Variants in AGBL1 observed in about 807,000 individuals in gnomAD.
AGBL1 encodes the protein AGBL carboxypeptidase 1.
AGBL1 carries 130 observed loss-of-function variants against 118.9 expected under a neutral mutation model. That is an observed-to-expected ratio of 1.09 (90% confidence interval 0.95 to 1.26). The LOEUF (loss-of-function observed/expected upper bound fraction) is 1.26, where lower values mean the gene tolerates loss of function less well. Among genes scored for constraint, AGBL1 ranks in the 50% most tolerant of loss-of-function variants. The pLI, the probability that AGBL1 is intolerant of heterozygous loss-of-function variation, is 0.00. For missense variants in AGBL1, 1,584 were observed against 1,298.1 expected (o/e 1.22, Z -3.38); for synonymous variants, 555 against 478.9 (o/e 1.16, Z -2.08).
intron 5 of AGBL1, among the ~76,000 whole-genome samples, chr15:86,174,379 C>A (rs1464838133): frequency 6.6e-6 from 1 of 151,744 alleles, no homozygotes; most frequent in Non-Finnish European, 1.5e-5. Context: ...ATAATAAGAT[C>A]ACGTTATATA....
chr15:86,304,444 A>C (rs1264101405), intron 17 of AGBL1, among the ~76,000 whole-genome samples: 1 of 152,176 alleles, frequency 6.6e-6, no homozygotes, highest in Non-Finnish European at 1.5e-5. Flanking sequence ...TCTCTTTATC[A>C]CATGACCTTG....
At chr15:86,612,860 C>A (rs769738208) in intron 21 of AGBL1, among the ~76,000 whole-genome samples, 6 of 152,166 alleles carry the variant, frequency 3.9e-5, no homozygotes, top group Non-Finnish European at 8.8e-5. Context: ...TCTGCAATAT[C>A]CCTCTCCCCT....
chr15:86,854,903 C>G (rs992948011), intron 22 of AGBL1, among the ~76,000 whole-genome samples: 1 of 152,144 alleles, frequency 6.6e-6, no homozygotes, highest in African/African-American at 2.4e-5. Context: ...CAACTGCCCT[C>G]GATCTCCATC....
At position 86,627,156 on chromosome 15, in the gene AGBL1, A is replaced by G. The variant is rs527362520; in HGVS notation, c.2995-47117A>G. Among the ~76,000 whole-genome samples, 3 of 151,864 alleles carry G rather than the reference A, an allele frequency of 2.0e-5. No individual in the cohort carries two copies. In the East Asian group the frequency reaches 5.8e-4, roughly 29 times the overall value. On this transcript the variant is annotated intron_variant, in intron 21 of 22. Transcript: ENST00000614907. The stretch of plus-strand genomic sequence containing the variant: ...GCTGGGATTACAGGCATGCGCCACC[A>G]CCCCCAGCTAATTTTGTATTTTTAG...
In AGBL1 at chr15:86,687,284, A is replaced by T. The variant is rs992681585; in HGVS notation, c.3158+12848A>T. On this transcript the variant is annotated intron_variant, in intron 22 of 22. Coordinates refer to ENST00000614907, the MANE Select transcript of AGBL1 (RefSeq NM_001386094.1). The stretch of plus-strand genomic sequence containing the variant: ...CTCTTGTCAGGCACCTCTGTCTGCA[A>T]AGTCGGCTGGAGAACTTCTGAAGTA... Among the ~76,000 whole-genome samples, 8 of 152,124 alleles carry T rather than the reference A, an allele frequency of 5.3e-5. 1 individual carries two copies. Among genetic ancestry groups the T allele is most frequent in the African/African-American group, 1.9e-4 (8 of 41,442 alleles).
chr15:87,011,607 A>G (rs781540982), intron 24 of AGBL1, among the ~76,000 whole-genome samples: 2 of 152,218 alleles, frequency 1.3e-5, no homozygotes, highest in Non-Finnish European at 2.9e-5. Flanking sequence ...GGGTACAGTC[A>G]TTATAGGAAA....
intron 6 of AGBL1, among the ~76,000 whole-genome samples, chr15:86,233,057 G>A (rs1029190657): frequency 1.1e-4 from 16 of 152,308 alleles, no homozygotes; most frequent in Admixed American, 9.1e-4. Context: ...TGCAAGGAAG[G>A]TGTAATCAGG....
At chr15:86,725,021 G>A (rs1325453729) in intron 22 of AGBL1, among the ~76,000 whole-genome samples, 2 of 152,040 alleles carry the variant, frequency 1.3e-5, no homozygotes, top group East Asian at 1.9e-4. Flanking sequence ...AAAAATGGCC[G>A]AATACAGTGG....
intron 23 of AGBL1, among the ~76,000 whole-genome samples, chr15:86,946,560 T>C (rs559819508): frequency 6.6e-6 from 1 of 151,908 alleles, no homozygotes; most frequent in Non-Finnish European, 1.5e-5. Flanking sequence ...AGAAATACCA[T>C]GAGGAGGTTG....
intron 18 of AGBL1, among the ~76,000 whole-genome samples, chr15:86,467,143 G>A (rs1048669714): frequency 6.6e-6 from 1 of 152,240 alleles, no homozygotes; most frequent in African/African-American, 2.4e-5. Flanking sequence ...GACTGGGGCT[G>A]CTGCCTTTCT....
intron 22 of AGBL1, among the ~76,000 whole-genome samples, chr15:86,868,319 C>G (rs756243576): frequency 4.9e-4 from 75 of 152,210 alleles, no homozygotes; most frequent in Non-Finnish European, 1.2e-4. Context: ...CTGTATAGCA[C>G]AAAGCTTGCA....
chr15:87,004,856 C>G (rs2081481815), intron 24 of AGBL1, among the ~76,000 whole-genome samples: 1 of 152,176 alleles, frequency 6.6e-6, no homozygotes, highest in Admixed American at 6.5e-5. Flanking sequence ...ACATTTAGTG[C>G]TTCCTTCAGG....
intron 17 of AGBL1, among the ~76,000 whole-genome samples, chr15:86,317,876 A>G (rs1420925398): frequency 6.6e-6 from 1 of 152,206 alleles, no homozygotes; most frequent in Non-Finnish European, 1.5e-5. Flanking sequence ...GAAGTGGAAG[A>G]CTATAGAATA....
intron 24 of AGBL1, among the ~76,000 whole-genome samples, chr15:86,998,201 T>C (rs1212661531): frequency 6.6e-6 from 1 of 152,144 alleles, no homozygotes; most frequent in East Asian, 1.9e-4. Context: ...TGTAATAAAA[T>C]ATAGCAAAAG....
intron 18 of AGBL1, among the ~76,000 whole-genome samples, chr15:86,509,976 TGGCAC>T (rs2083034336): frequency 6.7e-6 from 1 of 148,786 alleles, no homozygotes. Flanking sequence ...ATTTCTTCTG[TGGCAC>T]TGAGTGCTAT....
At chr15:86,757,720 G>A (rs1596454698) in intron 22 of AGBL1, among the ~76,000 whole-genome samples, 1 of 152,048 alleles carries the variant, frequency 6.6e-6, no homozygotes, top group East Asian at 1.9e-4. Context: ...TAGTTCCTAG[G>A]AATTTCCTTT....
chr15:86,383,111 A>G (rs954653115), intron 17 of AGBL1, among the ~76,000 whole-genome samples: 4 of 151,720 alleles, frequency 2.6e-5, no homozygotes, highest in African/African-American at 9.7e-5. Context: ...TCATTTCTTC[A>G]TTGTGCTGTT....
chr15:86,128,269 GA>G (rs2076773900), intron 1 of AGBL1, among the ~76,000 whole-genome samples: 1 of 151,960 alleles, frequency 6.6e-6, no homozygotes, highest in South Asian at 2.1e-4. Context: ...TTGTGCAGGG[GA>G]ACTCCCATTT....
chr15:86,134,071 T>C (rs932440973), intron 1 of AGBL1, among the ~76,000 whole-genome samples: 1 of 152,242 alleles, frequency 6.6e-6, no homozygotes, highest in Non-Finnish European at 1.5e-5. Flanking sequence ...CTTCAACTTA[T>C]ACTAAATTTC....
Sources: gnomAD v4.1 joint callset for allele counts (sites outside exome capture counted in the v4.1 genomes callset) on GRCh38, gnomAD v4.1.1 for gene constraint, MANE v1.5 for transcripts, NCBI Gene and HGNC (gene_info 2026-07-23, HGNC 2026-07-21) for gene names.